Variants in RBFOX1 observed in about 807,000 individuals in gnomAD.
RBFOX1 encodes RNA binding protein fox-1 homolog 1.
A neutral mutation model predicts 57.7 loss-of-function variants in RBFOX1; 8 were observed. The ratio of observed to expected loss-of-function variants is 0.14; its 90% CI spans 0.08 to 0.25. RBFOX1 has a LOEUF of 0.25. Among genes scored for constraint, RBFOX1 ranks in the 10% least tolerant of loss-of-function variants. RBFOX1 has a pLI of 1.00. For missense variants in RBFOX1, 611 were observed against 548.5 expected, an observed-to-expected ratio of 1.11 and a Z score of -1.14; for synonymous variants, 326 against 222.4, an observed-to-expected ratio of 1.47 and a Z score of -4.15.
chr16:7,046,614 T>C, intron 3 of RBFOX1, among the ~76,000 whole-genome samples: 1 of 145,416 alleles, frequency 6.9e-6, no homozygotes, highest in Middle Eastern at 3.5e-3. Flanking sequence ...TTTTTTTTTT[T>C]TTTTTTTTTT....
At chr16:7,471,122 G>C (rs189660832) in intron 4 of RBFOX1, among the ~76,000 whole-genome samples, 1 of 152,088 alleles carries the variant, frequency 6.6e-6, no homozygotes, top group African/African-American at 2.4e-5. Context: ...CAGTAACTAC[G>C]TCTTGTTTAT....
intron 4 of RBFOX1, among the ~76,000 whole-genome samples, chr16:5,883,476 A>T (rs1371751291): frequency 6.6e-6 from 1 of 152,002 alleles, no homozygotes; most frequent in African/African-American, 2.4e-5. Flanking sequence ...CCATATTGGT[A>T]AGTAAACTGT....
At chr16:6,476,257 G>T (rs2095270030) in intron 2 of RBFOX1, among the ~76,000 whole-genome samples, 1 of 151,986 alleles carries the variant, frequency 6.6e-6, no homozygotes, top group Admixed American at 6.5e-5. Flanking sequence ...TTTCTTCCAG[G>T]GGTGTGTGTC....
chr16:5,266,428 A>G (rs1212807952), intron 1 of RBFOX1, among the ~76,000 whole-genome samples: 7 of 152,120 alleles, frequency 4.6e-5, no homozygotes, highest in African/African-American at 1.7e-4. Flanking sequence ...GTCAGGTGAA[A>G]TAGGTGGAGG....
intron 4 of RBFOX1, among the ~76,000 whole-genome samples, chr16:5,941,484 TATCTC>T (rs2059276739): frequency 6.6e-6 from 1 of 151,556 alleles, no homozygotes; most frequent in African/African-American, 2.4e-5. Flanking sequence ...AGCAAGATCT[TATCTC>T]AAGGAAAAAA....
At chr16:5,928,973 A>T (rs1384143444) in intron 4 of RBFOX1, among the ~76,000 whole-genome samples, 1 of 151,326 alleles carries the variant, frequency 6.6e-6, no homozygotes, top group African/African-American at 2.4e-5. Flanking sequence ...GGGGTTGCAG[A>T]TCCAGCTGTG....
intron 3 of RBFOX1, among the ~76,000 whole-genome samples, chr16:6,882,082 C>T (rs566296481): frequency 2.0e-5 from 3 of 152,058 alleles, no homozygotes; most frequent in Non-Finnish European, 2.9e-5. Context: ...TTTCAGTGGC[C>T]CCCTATTCCC....
At chr16:5,794,597 G>A (rs1358886215) in intron 3 of RBFOX1, among the ~76,000 whole-genome samples, 1 of 152,168 alleles carries the variant, frequency 6.6e-6, no homozygotes, top group Non-Finnish European at 1.5e-5. Context: ...GATGTTGTGT[G>A]TCAAGGCATG....
intron 4 of RBFOX1, among the ~76,000 whole-genome samples, chr16:5,895,840 C>T (rs912733722): frequency 1.3e-5 from 2 of 152,038 alleles, no homozygotes; most frequent in South Asian, 2.1e-4. Flanking sequence ...AAACGGAAAG[C>T]GATGTAACTG....
chr16:5,358,768 G>C (rs1181145240), intron 1 of RBFOX1, among the ~76,000 whole-genome samples: 1 of 152,160 alleles, frequency 6.6e-6, no homozygotes, highest in Non-Finnish European at 1.5e-5. Context: ...CAAAGGTTGC[G>C]GTGAGCCGAG....
At chr16:6,012,477 C>T (rs762757575) in intron 4 of RBFOX1, among the ~76,000 whole-genome samples, 1 of 152,186 alleles carries the variant, frequency 6.6e-6, no homozygotes, top group Non-Finnish European at 1.5e-5. Context: ...AGTACTGGCA[C>T]TTAATGGGTA....
At chr16:7,378,793 G>A (rs1000987245) in intron 4 of RBFOX1, among the ~76,000 whole-genome samples, 1 of 152,188 alleles carries the variant, frequency 6.6e-6, no homozygotes, top group African/African-American at 2.4e-5. Flanking sequence ...TGGGCACACT[G>A]CAAAGTCAGC....
At chr16:6,510,458 GTGATTT>G (rs1233323489) in intron 2 of RBFOX1, among the ~76,000 whole-genome samples, 1 of 152,206 alleles carries the variant, frequency 6.6e-6, no homozygotes, top group African/African-American at 2.4e-5. Flanking sequence ...TAAGAAAGAT[GTGATTT>G]TGGTCACAGA....
intron 11 of RBFOX1, among the ~76,000 whole-genome samples, chr16:7,648,019 A>G (rs1196616877): frequency 6.6e-6 from 1 of 152,196 alleles, no homozygotes. Flanking sequence ...ACCATGTTCC[A>G]GAATCCTACA....
chr16:5,269,985 T>C (rs565504799), intron 1 of RBFOX1, among the ~76,000 whole-genome samples: 2 of 152,042 alleles, frequency 1.3e-5, no homozygotes, highest in Admixed American at 6.6e-5. Flanking sequence ...CAAGACCCTG[T>C]CTCTACAAAA....
chr16:5,984,595 A>T (rs1315702831), intron 4 of RBFOX1, among the ~76,000 whole-genome samples: 1 of 152,208 alleles, frequency 6.6e-6, no homozygotes, highest in East Asian at 1.9e-4. Flanking sequence ...ACATTCTGGT[A>T]TTATCTTACC....
At chr16:6,873,746 A>T (rs2061350898) in intron 3 of RBFOX1, among the ~76,000 whole-genome samples, 1 of 152,216 alleles carries the variant, frequency 6.6e-6, no homozygotes, top group African/African-American at 2.4e-5. Flanking sequence ...CATGAAAATC[A>T]GATCCACAAG....
intron 3 of RBFOX1, among the ~76,000 whole-genome samples, chr16:6,899,935 T>A (rs111630104): frequency 6.6e-6 from 1 of 152,188 alleles, no homozygotes; most frequent in African/African-American, 2.4e-5. Flanking sequence ...ATTTGAACTA[T>A]GTTTAGTCTT....
At chr16:5,693,793 T>A (rs926255165) in intron 3 of RBFOX1, among the ~76,000 whole-genome samples, 5 of 152,336 alleles carry the variant, frequency 3.3e-5, no homozygotes, top group Admixed American at 2.0e-4. Context: ...TCCCTTCTTA[T>A]AAGTAGGCAA....
Sources: gnomAD v4.1 joint callset for allele counts (sites outside exome capture counted in the v4.1 genomes callset) on GRCh38, gnomAD v4.1.1 for gene constraint, MANE v1.5 for transcripts, NCBI Gene and HGNC (gene_info 2026-07-23, HGNC 2026-07-21) for gene names.